Variants in APP observed in about 807,000 individuals in gnomAD.
The protein encoded by APP is amyloid beta precursor protein, also known as amyloid-beta precursor protein.
A neutral mutation model predicts 101.4 loss-of-function variants in APP; 31 were observed. The ratio of observed to expected loss-of-function variants is 0.31; its 90% confidence interval spans 0.23 to 0.41. The LOEUF (loss-of-function observed/expected upper bound fraction) is 0.41. APP is among the 10% of genes least tolerant of loss of function. The pLI, the probability that APP is intolerant of heterozygous loss-of-function variation, is 1.00. For synonymous variants in APP, 366 were observed against 364.4 expected (o/e 1.00, Z -0.05); for missense variants, 839 against 1,003.7 (o/e 0.84, Z 2.22).
chr21:26,066,607 T>C (rs925932501), intron 3 of APP, among the ~76,000 whole-genome samples: 4 of 152,048 alleles, frequency 2.6e-5, no homozygotes, highest in African/African-American at 9.7e-5. Context: ...TAGAATCAAG[T>C]ATCTGTCTTT....
At chr21:26,146,962 C>T (rs554099701) in intron 1 of APP, among the ~76,000 whole-genome samples, 3 of 152,096 alleles carry the variant, frequency 2.0e-5, no homozygotes, top group African/African-American at 7.2e-5. Flanking sequence ...TCCATCTTTC[C>T]CCTTTCTGAT....
At chr21:26,012,684 C>A (rs1382754919) in intron 6 of APP, among the ~76,000 whole-genome samples, 12 of 147,226 alleles carry the variant, frequency 8.2e-5, no homozygotes, top group Non-Finnish European at 3.0e-5. Context: ...TGGCTAAAAA[C>A]GTGTGCCCGG....
At chr21:26,152,104 A>G (rs1048824320) in intron 1 of APP, among the ~76,000 whole-genome samples, 2 of 151,816 alleles carry the variant, frequency 1.3e-5, no homozygotes, top group Admixed American at 6.6e-5. Flanking sequence ...GTGAAACCCT[A>G]TCTCTACTAA....
intron 13 of APP, among the ~76,000 whole-genome samples, chr21:25,929,485 T>A (rs933887732): frequency 5.9e-5 from 9 of 152,146 alleles, no homozygotes; most frequent in Non-Finnish European, 1.3e-4. Flanking sequence ...GAGTAAATTT[T>A]TCGAAGTTAT....
chr21:25,997,027 T>G (rs1406932583), intron 8 of APP, among the ~76,000 whole-genome samples: 1 of 152,238 alleles, frequency 6.6e-6, no homozygotes, highest in Non-Finnish European at 1.5e-5. Flanking sequence ...AAGCCTGCTC[T>G]CAGTTACACT....
chr21:26,081,495 C>A (rs1193139772), intron 3 of APP, among the ~76,000 whole-genome samples: 2 of 152,186 alleles, frequency 1.3e-5, no homozygotes. Context: ...TCACTTAAGG[C>A]AAGGACCGGC....
Position 26,021,858 on chromosome 21 carries a change from C to T in APP, c.847G>A (p.Val283Met), listed in dbSNP as rs772069024. Residue 283 changes from valine (V) to methionine (M), a missense_variant, in exon 6 of 18, where the codon GTG becomes ATG. By Grantham distance (21) the Val-to-Met change is conservative. Coordinates refer to ENST00000346798, the MANE Select transcript of APP (RefSeq NM_000484.4). ...GGATTACCTCGAACCACCTCTTCCACAGACTCTGTGGTGGTGGTGGTGGTG... is the reference window on the plus strand; with the variant it reads ...GGATTACCTCGAACCACCTCTTCCATAGACTCTGTGGTGGTGGTGGTGGTG... ...ATTTTTTTES[V>M]EEVVREVCSE... The T allele has an allele frequency of 1.2e-6, 2 of 1,613,720 alleles. No homozygotes were observed. Among genetic ancestry groups the T allele is most frequent in the Non-Finnish European group, 1.7e-6 (2 of 1,180,010 alleles).
At chr21:26,007,739 T>C (rs930952952) in intron 6 of APP, among the ~76,000 whole-genome samples, 4 of 152,192 alleles carry the variant, frequency 2.6e-5, no homozygotes, top group South Asian at 2.1e-4. Flanking sequence ...AATAGAAAAC[T>C]GGTTATTTTT....
At chr21:25,973,798 T>C (rs1166122763) in intron 11 of APP, among the ~76,000 whole-genome samples, 1 of 151,904 alleles carries the variant, frequency 6.6e-6, no homozygotes, top group African/African-American at 2.4e-5. Flanking sequence ...AAAAATTAGC[T>C]GGGTGTCGTG....
intron 3 of APP, among the ~76,000 whole-genome samples, chr21:26,070,374 T>G (rs1488802454): frequency 6.6e-6 from 1 of 152,194 alleles, no homozygotes; most frequent in Non-Finnish European, 1.5e-5. Flanking sequence ...ATTGAATTTC[T>G]GGACTTCTAA....
chr21:26,020,138 T>C (rs574486686), intron 6 of APP, among the ~76,000 whole-genome samples: 2 of 152,336 alleles, frequency 1.3e-5, no homozygotes, highest in African/African-American at 4.8e-5. Context: ...TAAAGAAATG[T>C]AGAACCTCAA....
At chr21:26,161,857 T>G (rs62224882) in intron 1 of APP, among the ~76,000 whole-genome samples, 53,833 of 151,944 alleles carry the variant, frequency 0.35, 10,191 homozygotes, top group African/African-American at 0.5. Context: ...AGACTTAAGC[T>G]AAGACTTCAA....
chr21:26,102,360 A>T (rs1241230634), intron 2 of APP, among the ~76,000 whole-genome samples: 2 of 151,670 alleles, frequency 1.3e-5, no homozygotes, highest in Non-Finnish European at 2.9e-5. Context: ...AAGTGCTGGG[A>T]TTACAGGCGT....
At chr21:26,083,988 T>C (rs142933882) in intron 3 of APP, among the ~76,000 whole-genome samples, 1 of 152,150 alleles carries the variant, frequency 6.6e-6, no homozygotes, top group Non-Finnish European at 1.5e-5. Context: ...CAATACCAGG[T>C]ACAATAATTA....
intron 15 of APP, among the ~76,000 whole-genome samples, chr21:25,898,419 G>T (rs554966780): frequency 3.9e-5 from 6 of 152,114 alleles, no homozygotes; most frequent in Non-Finnish European, 8.8e-5. Flanking sequence ...ACAAAATGCA[G>T]AGTCATTTAA....
intron 5 of APP, among the ~76,000 whole-genome samples, chr21:26,050,099 C>T (rs144810071): frequency 8.8e-4 from 133 of 151,968 alleles, no homozygotes; most frequent in African/African-American, 3.0e-3. Context: ...CTGATATAGA[C>T]AATAAACTCT....
rs115544969 is a variant in APP at position 26,058,763 on chromosome 21, C to T, written c.356-5415G>A. On this transcript the variant is annotated intron_variant, in intron 3 of 17. Transcript: ENST00000346798. ...CCAGCCTGCATAACTTAGAGAGACC[C>T]TACCTCTAAAAATAAATGTTTAAAA... 1.9e-3 allele frequency among the ~76,000 whole-genome samples: 284 copies of T among 152,064 alleles called. 3 individuals are homozygous for T. Among genetic ancestry groups the T allele is most frequent in the African/African-American group, 6.4e-3 (265 of 41,506 alleles).
chr21:25,893,643 T>C (rs1405360180), intron 16 of APP, among the ~76,000 whole-genome samples: 1 of 152,066 alleles, frequency 6.6e-6, no homozygotes, highest in Non-Finnish European at 1.5e-5. Flanking sequence ...CTATGAAGGA[T>C]GAGAGAGGTG....
At position 26,021,983 on chromosome 21, in the gene APP, T is replaced by G; in HGVS notation, c.722A>C (p.Glu241Ala). The change falls in exon 6 of 18, where the codon GAA becomes GCA. Residue 241 changes from glutamate (E) to alanine (A), a missense_variant. By Grantham distance (107) the Glu-to-Ala change is moderately radical. Coordinates refer to ENST00000346798, the MANE Select transcript of APP (RefSeq NM_000484.4). ...CTCATCGTCCTCGTCATCATCGGCT[T>G]CTTCTTCTTCCACCTCAGCCACTTC... The part of the protein sequence containing the change: ...EEEVAEVEEE[E>A]ADDDEDDEDG... The G allele has an allele frequency of 6.2e-7, 1 of 1,613,770 alleles. No individual in the cohort carries two copies. Among genetic ancestry groups the G allele is most frequent in the Non-Finnish European group, 8.5e-7 (1 of 1,179,780 alleles).
Sources: gnomAD v4.1 joint callset for allele counts (sites outside exome capture counted in the v4.1 genomes callset) on GRCh38, gnomAD v4.1.1 for gene constraint, MANE v1.5 for transcripts, NCBI Gene and HGNC (gene_info 2026-07-23, HGNC 2026-07-21) for gene names.